Variants in ADAMTS17 observed in about 807,000 individuals in gnomAD.
ADAMTS17 encodes A disintegrin and metalloproteinase with thrombospondin motifs 17.
Under a neutral mutation model 141.5 loss-of-function variants are expected in ADAMTS17, and 113 were observed. That is an observed-to-expected ratio of 0.80 (90% confidence interval 0.69 to 0.93). ADAMTS17 has a LOEUF of 0.93. ADAMTS17 is among the 40% of genes least tolerant of loss of function. The pLI is 0.00. For missense variants in ADAMTS17, 1,659 were observed against 1,517.9 expected, an observed-to-expected ratio of 1.09 and a Z score of -1.54; for synonymous variants, 768 against 630.6, an observed-to-expected ratio of 1.22 and a Z score of -3.27.
intron 7 of ADAMTS17, among the ~76,000 whole-genome samples, chr15:100,243,685 G>A (rs1183543075): frequency 1.3e-5 from 2 of 152,142 alleles, no homozygotes; most frequent in South Asian, 2.1e-4. Context: ...AGCTACGTGG[G>A]AGGCTGAGGC....
In ADAMTS17 at chr15:99,974,530, A is replaced by G; in HGVS notation, c.3160T>C (p.Trp1054Arg). 4 of 1,614,226 alleles carry G rather than the reference A, an allele frequency of 2.5e-6. No homozygotes were observed. The highest frequency in any genetic ancestry group is 3.4e-6 in the Non-Finnish European group (4 of 1,180,036). ...ALTYKCTRDQ[W>R]TVYCRVIREK... ...CGGATGACCCGGCAATATACCGTCC[A>G]CTGGTCTCGTGTGCATTTGTAGGTC... The change falls in exon 22 of 22, where the codon TGG becomes CGG. Residue 1054 changes from tryptophan to arginine, a missense_variant. Physicochemically the swap from Trp to Arg is moderately radical, Grantham distance 101. Coordinates refer to ENST00000268070, the MANE Select transcript of ADAMTS17 (RefSeq NM_139057.4).
chr15:100,033,918 C>A (rs1478841051), intron 18 of ADAMTS17, among the ~76,000 whole-genome samples: 1 of 152,246 alleles, frequency 6.6e-6, no homozygotes, highest in Non-Finnish European at 1.5e-5. Context: ...CATTTCCACA[C>A]CACAGCCATG....
intron 18 of ADAMTS17, among the ~76,000 whole-genome samples, chr15:100,046,915 G>A (rs915697768): frequency 6.6e-6 from 1 of 152,210 alleles, no homozygotes; most frequent in Non-Finnish European, 1.5e-5. Flanking sequence ...CAGGGAACAA[G>A]AGAGATAACC....
intron 10 of ADAMTS17, among the ~76,000 whole-genome samples, chr15:100,136,847 T>C (rs1191238503): frequency 6.6e-6 from 1 of 152,122 alleles, no homozygotes; most frequent in African/African-American, 2.4e-5. Flanking sequence ...CCTGATAAAG[T>C]CACTGGGTTT....
chr15:100,232,037 G>A (rs767755978), intron 7 of ADAMTS17, among the ~76,000 whole-genome samples: 5 of 152,128 alleles, frequency 3.3e-5, no homozygotes, highest in African/African-American at 4.8e-5. Flanking sequence ...AATGAATCAC[G>A]GCGACCTTGC....
Position 100,209,116 on chromosome 15 carries a change from A to C in ADAMTS17, c.1076-9693T>G, listed in dbSNP as rs868831479. Among the ~76,000 whole-genome samples, 483 of 119,862 alleles carry C rather than the reference A, an allele frequency of 4.0e-3. 2 individuals are homozygous for C. The highest frequency in any genetic ancestry group is 0.011 in the African/African-American group (305 of 27,982). 78.6% of individuals were successfully genotyped at this position (119,862 alleles called of 152,430 possible). ...ATGGAAATATTTGCCAAGTTAGCAA[A>C]AAAAAAAAAAAAAAAAAGGAAGAAA... On this transcript the variant is annotated intron_variant, in intron 7 of 21. Transcript: ENST00000268070.
At chr15:100,181,806 C>T (rs534734799) in intron 8 of ADAMTS17, among the ~76,000 whole-genome samples, 102 of 152,348 alleles carry the variant, frequency 6.7e-4, no homozygotes, top group African/African-American at 2.4e-3. Flanking sequence ...CACAAGCACT[C>T]CCTTAGCCAC....
intron 7 of ADAMTS17, among the ~76,000 whole-genome samples, chr15:100,234,114 C>T (rs376981374): frequency 2.6e-5 from 4 of 152,170 alleles, no homozygotes; most frequent in South Asian, 2.1e-4. Flanking sequence ...AGGCCTGGAC[C>T]GTGGGAGGAA....
At chr15:100,209,603 A>G (rs201258022) in intron 7 of ADAMTS17, among the ~76,000 whole-genome samples, 1 of 53,768 alleles carries the variant, frequency 1.9e-5, no homozygotes, top group East Asian at 5.2e-4. Flanking sequence ...ACATTTTATT[A>G]AAAAAAAAAA....
chr15:100,058,208 C>CCTTATCCCGGCTCTAACCCT (rs2032777381), intron 15 of ADAMTS17, among the ~76,000 whole-genome samples: 2 of 51,778 alleles, frequency 3.9e-5, no homozygotes, highest in African/African-American at 6.3e-5. Flanking sequence ...GCTCCAACAC[C>CCTTATCCCGGCTCTAACCCT]CCTATTCCGG....
intron 3 of ADAMTS17, among the ~76,000 whole-genome samples, chr15:100,290,829 A>G (rs2044602875): frequency 6.6e-6 from 1 of 152,210 alleles, no homozygotes; most frequent in Non-Finnish European, 1.5e-5. Context: ...CCTTCCTCTC[A>G]CCATATACAA....
At chr15:100,004,757 A>G (rs565536659) in intron 18 of ADAMTS17, among the ~76,000 whole-genome samples, 49 of 151,880 alleles carry the variant, frequency 3.2e-4, no homozygotes, top group African/African-American at 1.1e-3. Flanking sequence ...AGTAGCTGGC[A>G]TTACAGGTGT....
chr15:100,027,046 A>G (rs1160235534), intron 18 of ADAMTS17, among the ~76,000 whole-genome samples: 1 of 152,220 alleles, frequency 6.6e-6, no homozygotes, highest in Admixed American at 6.5e-5. Context: ...TGGAGAATAC[A>G]GGTGAAGGCA....
At chr15:100,026,737 TA>T (rs1316841423) in intron 18 of ADAMTS17, among the ~76,000 whole-genome samples, 2 of 152,266 alleles carry the variant, frequency 1.3e-5, no homozygotes, top group African/African-American at 4.8e-5. Flanking sequence ...TGTTTCTTTC[TA>T]AGAAATTGGA....
At chr15:100,186,532 A>G (rs1241700479) in intron 8 of ADAMTS17, among the ~76,000 whole-genome samples, 1 of 152,094 alleles carries the variant, frequency 6.6e-6, no homozygotes, top group Non-Finnish European at 1.5e-5. Context: ...TGAGCATACT[A>G]CCTATCTCCA....
intron 8 of ADAMTS17, among the ~76,000 whole-genome samples, chr15:100,188,803 T>C (rs1170344269): frequency 1.3e-5 from 2 of 152,152 alleles, no homozygotes; most frequent in African/African-American, 2.4e-5. Context: ...GAAAGCCTTC[T>C]AGCACTGCAC....
intron 7 of ADAMTS17, among the ~76,000 whole-genome samples, chr15:100,251,126 A>G (rs928205466): frequency 6.6e-6 from 1 of 152,214 alleles, no homozygotes; most frequent in Non-Finnish European, 1.5e-5. Flanking sequence ...GAAGCTGAAA[A>G]TCACTGAGGT....
rs1163994481 is a variant in ADAMTS17 at position 99,997,756 on chromosome 15, A to T, written c.2592-167T>A. On this transcript the variant is annotated intron_variant, in intron 18 of 21. Coordinates refer to ENST00000268070, the MANE Select transcript of ADAMTS17 (RefSeq NM_139057.4). This position sits in a 1 kb window ranked among gnomAD's most constrained non-coding sequence, Gnocchi z 4.7. ...GACATAACTCAGAGTATCGGCACAG[A>T]GGGAGTGACTTGAGTGGTCCTCTGG... 6.6e-6 allele frequency among the ~76,000 whole-genome samples: 1 copy of T among 152,222 alleles called. No individual in the cohort carries two copies. The highest frequency in any genetic ancestry group is 2.4e-5 in the African/African-American group (1 of 41,466).
At chr15:100,184,306 G>T (rs369863184) in intron 8 of ADAMTS17, among the ~76,000 whole-genome samples, 14 of 152,266 alleles carry the variant, frequency 9.2e-5, no homozygotes, top group African/African-American at 3.4e-4. Flanking sequence ...CAGGCTGCAG[G>T]CCTCCAGGTG....
Sources: allele counts gnomAD v4.1 joint callset (sites outside exome capture counted in the v4.1 genomes callset), GRCh38; gene constraint gnomAD v4.1.1; non-coding constraint Gnocchi (gnomAD v3.1); transcripts MANE v1.5; gene names NCBI Gene and HGNC (gene_info 2026-07-23, HGNC 2026-07-21).